The following SCAPER variants were observed in gnomAD, a reference collection of about 807,000 sequenced individuals.
SCAPER encodes the protein S-phase cyclin A associated protein in the ER.
Under a neutral mutation model 182.2 loss-of-function variants are expected in SCAPER, and 98 were observed. The ratio of observed to expected loss-of-function variants is 0.54; its 90% CI spans 0.46 to 0.64. The LOEUF (loss-of-function observed/expected upper bound fraction) is 0.64, where lower values mean the gene tolerates loss of function less well. Among genes scored for constraint, SCAPER ranks in the 30% least tolerant of loss-of-function variants. The pLI, the probability that SCAPER is intolerant of heterozygous loss-of-function variation, is 0.00. For synonymous variants in SCAPER, 605 were observed against 564.6 expected, an observed-to-expected ratio of 1.07 and a Z score of -1.01; for missense variants, 1,432 against 1,690.0, an observed-to-expected ratio of 0.85 and a Z score of 2.68.
chr15:76,504,045 C>T (rs1012003645), intron 24 of SCAPER, among the ~76,000 whole-genome samples: 3 of 151,960 alleles, frequency 2.0e-5, no homozygotes, highest in Non-Finnish European at 2.9e-5. Flanking sequence ...TGCCACTATG[C>T]CTGGCTAAAT....
At position 76,492,826 on chromosome 15, in the gene SCAPER, C is replaced by T. The variant is rs182542161; in HGVS notation, c.2954+12033G>A. ...AGAGATTATTCAGTTTTGACATTTT[C>T]GTGACCACAGAGAATTTAGACTTGT... On this transcript the variant is annotated intron_variant, in intron 24 of 31. Coordinates refer to ENST00000563290, the MANE Select transcript of SCAPER (RefSeq NM_020843.4). Among the ~76,000 whole-genome samples the T allele has an allele frequency of 3.0e-3, 447 of 149,170 alleles. 4 individuals are homozygous for T. The highest frequency in any genetic ancestry group is 1.4e-3 in the Non-Finnish European group (98 of 67,588).
At chr15:76,882,563 C>G (rs1325328387) in intron 2 of SCAPER, among the ~76,000 whole-genome samples, 4 of 152,102 alleles carry the variant, frequency 2.6e-5, no homozygotes, top group Admixed American at 2.6e-4. Context: ...AAAATAACCC[C>G]AAATGACAGA....
intron 14 of SCAPER, among the ~76,000 whole-genome samples, chr15:76,756,804 AATAATT>A (rs1446334997): frequency 1.3e-5 from 2 of 152,234 alleles, no homozygotes; most frequent in Non-Finnish European, 2.9e-5. Context: ...ACAACAGGTT[AATAATT>A]ATAATTGTCA....
In SCAPER at chr15:76,726,155, A is replaced by ATATATATATATATATATATATAT. The variant is rs1491513286; in HGVS notation, c.2165+2439_2165+2440insATATATATATATATATATATATA. On this transcript the variant is annotated intron_variant, in intron 17 of 31. Transcript: ENST00000563290. The stretch of plus-strand genomic sequence containing the variant: ...TATATATATATATATATATATATAT[A>ATATATATATATATATATATATAT]AAAAACTCTATAACCCAACAAGAAA... Among the ~76,000 whole-genome samples, 45 of 97,318 alleles carry ATATATATATATATATATATATAT rather than the reference A, an allele frequency of 4.6e-4. 16 individuals are homozygous for ATATATATATATATATATATATAT. Among genetic ancestry groups the ATATATATATATATATATATATAT allele is most frequent in the African/African-American group, 1.1e-3 (26 of 24,252 alleles). 63.8% of individuals were successfully genotyped at this position (97,318 alleles called of 152,430 possible). A position where few individuals can be genotyped will look rare whatever the true frequency, so the allele number is the denominator to read the frequency against.
At chr15:76,355,488 A>C (rs2040890963) in intron 29 of SCAPER, among the ~76,000 whole-genome samples, 1 of 152,228 alleles carries the variant, frequency 6.6e-6, no homozygotes, top group African/African-American at 2.4e-5. Context: ...CAAATTTTGT[A>C]ACACAGCCAA....
intron 2 of SCAPER, among the ~76,000 whole-genome samples, chr15:76,876,781 G>A (rs905775348): frequency 5.9e-5 from 9 of 152,160 alleles, no homozygotes; most frequent in Admixed American, 1.3e-4. Flanking sequence ...AAAAGACAAG[G>A]ATGCCTACTA....
At chr15:76,787,956 A>G (rs1028080933) in intron 8 of SCAPER, among the ~76,000 whole-genome samples, 3 of 152,234 alleles carry the variant, frequency 2.0e-5, no homozygotes, top group African/African-American at 7.2e-5. Context: ...ACGAGTGTCT[A>G]GAATACACAG....
At chr15:76,635,461 G>C (rs1161658029) in intron 21 of SCAPER, among the ~76,000 whole-genome samples, 1 of 152,142 alleles carries the variant, frequency 6.6e-6, no homozygotes, top group Non-Finnish European at 1.5e-5. Flanking sequence ...ATGTTATAAT[G>C]AAACAACATT....
intron 22 of SCAPER, among the ~76,000 whole-genome samples, chr15:76,592,130 A>G (rs2049164748): frequency 8.9e-6 from 1 of 112,994 alleles, no homozygotes; most frequent in African/African-American, 3.6e-5. Flanking sequence ...TGTTATATAT[A>G]TAGAGAGATA....
intron 23 of SCAPER, among the ~76,000 whole-genome samples, chr15:76,541,852 A>G (rs1371818425): frequency 3.3e-5 from 5 of 152,250 alleles, no homozygotes; most frequent in Non-Finnish European, 5.9e-5. Flanking sequence ...TTAATAATCA[A>G]TTTTGTAGAT....
chr15:76,879,978 T>C (rs1332228736), intron 2 of SCAPER, among the ~76,000 whole-genome samples: 9 of 152,220 alleles, frequency 5.9e-5, no homozygotes, highest in Admixed American at 5.2e-4. Flanking sequence ...CACATAAATA[T>C]GTATGAATAA....
At chr15:76,557,727 G>T (rs1251107951) in intron 23 of SCAPER, among the ~76,000 whole-genome samples, 1 of 152,076 alleles carries the variant, frequency 6.6e-6, no homozygotes, top group Non-Finnish European at 1.5e-5. Context: ...CCCAGTCTCA[G>T]TTATTTCTTT....
At chr15:76,572,632 T>C (rs1488837883) in intron 23 of SCAPER, among the ~76,000 whole-genome samples, 1 of 152,212 alleles carries the variant, frequency 6.6e-6, no homozygotes, top group African/African-American at 2.4e-5. Context: ...AGAGCAGTGA[T>C]TCTCAAAATA....
chr15:76,538,023 C>T (rs987645997), intron 23 of SCAPER, among the ~76,000 whole-genome samples: 14 of 151,846 alleles, frequency 9.2e-5, no homozygotes, highest in Non-Finnish European at 2.1e-4. Context: ...GAGATACCAT[C>T]TCACACCAGT....
rs1335490886 is a variant in SCAPER, at chr15:76,676,800, AAAG to A, written c.2509-11014_2509-11012del. Among the ~76,000 whole-genome samples the A allele has an allele frequency of 9.2e-5, 14 of 151,512 alleles. 1 individual carries two copies. Among genetic ancestry groups the A allele is most frequent in the African/African-American group, 1.2e-4 (5 of 41,362 alleles). ...GTGAGTTTTATATATTTGGGCATAA[AAAG>A]AAGAAAATAATTAGATCAAAATGTT... On this transcript the variant is annotated intron_variant, in intron 20 of 31. Transcript: ENST00000563290.
At chr15:76,786,476 T>C (rs187468477) in intron 8 of SCAPER, among the ~76,000 whole-genome samples, 8 of 152,194 alleles carry the variant, frequency 5.3e-5, no homozygotes, top group African/African-American at 1.9e-4. Context: ...TAAATCATAA[T>C]AGATGGTAAC....
intron 25 of SCAPER, among the ~76,000 whole-genome samples, chr15:76,450,186 A>T (rs542184746): frequency 1.3e-5 from 2 of 152,360 alleles, no homozygotes; most frequent in Admixed American, 1.3e-4. Flanking sequence ...TGTCTACTAT[A>T]GCATATTCTT....
intron 21 of SCAPER, among the ~76,000 whole-genome samples, chr15:76,649,780 A>C (rs2054870267): frequency 6.6e-6 from 1 of 152,002 alleles, no homozygotes; most frequent in African/African-American, 2.4e-5. Context: ...TAAAAATTTC[A>C]TTCAAAAATA....
At chr15:76,812,899 G>GA (rs199538401) in intron 5 of SCAPER, among the ~76,000 whole-genome samples, 63,014 of 144,974 alleles carry the variant, frequency 0.43, 15,106 homozygotes, top group Middle Eastern at 0.63. Flanking sequence ...AATACTTCCA[G>GA]AAAAAAAAAA....
Sources: allele counts gnomAD v4.1 joint callset (sites outside exome capture counted in the v4.1 genomes callset), GRCh38; gene constraint gnomAD v4.1.1; transcripts MANE v1.5; gene names NCBI Gene and HGNC (gene_info 2026-07-23, HGNC 2026-07-21).